The following PDZD2 variants were observed in gnomAD, a reference collection of about 807,000 sequenced individuals.
PDZD2 encodes the protein PDZ domain-containing protein 2.
Under a neutral mutation model 220.7 loss-of-function variants are expected in PDZD2, and 90 were observed. The observed-to-expected ratio is 0.41, with a 90% CI of 0.34 to 0.49. The LOEUF is 0.49. Among genes scored for constraint, PDZD2 ranks in the 20% least tolerant of loss-of-function variants. The pLI is 0.28. For synonymous variants in PDZD2, 1,375 were observed against 1,450.5 expected, an observed-to-expected ratio of 0.95 and a Z score of 1.18; for missense variants, 3,174 against 3,608.5, an observed-to-expected ratio of 0.88 and a Z score of 3.08.
chr5:31,878,555 C>CCT (rs750266997), intron 2 of PDZD2, among the ~76,000 whole-genome samples: 2 of 48,198 alleles, frequency 4.1e-5, no homozygotes, highest in African/African-American at 1.4e-4. Flanking sequence ...ATGACCTCGG[C>CCT]TTTTTTTTTT....
At chr5:31,800,687 G>C (rs1754340700) in intron 2 of PDZD2, among the ~76,000 whole-genome samples, 1 of 152,222 alleles carries the variant, frequency 6.6e-6, no homozygotes, top group African/African-American at 2.4e-5. Flanking sequence ...CACCCCTGGT[G>C]AGTTAACCCT....
intron 17 of PDZD2, among the ~76,000 whole-genome samples, chr5:32,073,608 G>C (rs533601559): frequency 1.0e-4 from 12 of 119,194 alleles, no homozygotes; most frequent in Admixed American, 2.7e-4. Context: ...AGAAAAGGGC[G>C]GGGGGGGTAG....
In PDZD2 at chr5:31,646,026, G is replaced by A. The variant is rs779255012; in HGVS notation, c.-361+6589G>A. Among the ~76,000 whole-genome samples, 1 of 112,874 alleles carries A rather than the reference G, an allele frequency of 8.9e-6. No individual in the cohort carries two copies. Among genetic ancestry groups the A allele is most frequent in the Non-Finnish European group, 2.2e-5 (1 of 45,710 alleles). The allele number at this position is 112,874 out of a possible 152,430, so 74.0% of individuals were successfully genotyped here. On this transcript the variant is annotated intron_variant, in intron 1 of 24. Coordinates refer to ENST00000438447, the MANE Select transcript of PDZD2 (RefSeq NM_178140.4). The surrounding 1 kb of genome is among the most constrained non-coding windows in gnomAD (Gnocchi z 4.7). ...GGCAGCTGGTGGGAGGAGAGAGGGT[G>A]TCAGGGAGCTTTGCACTGCGGGGGG...
chr5:31,655,461 G>C (rs1369165731), intron 1 of PDZD2, among the ~76,000 whole-genome samples: 1 of 152,148 alleles, frequency 6.6e-6, no homozygotes, highest in African/African-American at 2.4e-5. Context: ...ACGAGCCACT[G>C]CGCCCGGCCT....
intron 2 of PDZD2, among the ~76,000 whole-genome samples, chr5:31,910,217 A>ATTTTTTTTTT (rs70957978): frequency 2.8e-5 from 3 of 106,842 alleles, no homozygotes; most frequent in African/African-American, 1.1e-4. Flanking sequence ...GAGTTCCTGC[A>ATTTTTTTTTT]TTTTTTTTTT....
At chr5:32,046,910 G>T (rs1336255515) in intron 7 of PDZD2, among the ~76,000 whole-genome samples, 1 of 152,098 alleles carries the variant, frequency 6.6e-6, no homozygotes, top group Non-Finnish European at 1.5e-5. Context: ...GGGCGTGGTG[G>T]CGTGCACCTG....
At chr5:31,816,287 C>CAAAAAAAAAAAAAAAAAAAAAAAAAA (rs34233316) in intron 2 of PDZD2, among the ~76,000 whole-genome samples, 9 of 99,098 alleles carry the variant, frequency 9.1e-5, no homozygotes, top group Middle Eastern at 5.7e-3. Flanking sequence ...GACTCCATCT[C>CAAAAAAAAAAAAAAAAAAAAAAAAAA]AAAAAAAAAA....
chr5:32,060,800 T>C (rs1383082721), intron 13 of PDZD2, among the ~76,000 whole-genome samples: 4 of 152,258 alleles, frequency 2.6e-5, no homozygotes, highest in African/African-American at 9.6e-5. Flanking sequence ...TAAATATGCA[T>C]AATGACCTTT....
chr5:31,872,616 T>G (rs1738918670), intron 2 of PDZD2, among the ~76,000 whole-genome samples: 1 of 152,234 alleles, frequency 6.6e-6, no homozygotes, highest in South Asian at 2.1e-4. Context: ...TTTTCTGCCC[T>G]TTACATTGTT....
At chr5:31,874,656 A>C (rs1739143501) in intron 2 of PDZD2, among the ~76,000 whole-genome samples, 1 of 151,540 alleles carries the variant, frequency 6.6e-6, no homozygotes, top group African/African-American at 2.4e-5. Flanking sequence ...AGCTACTTGG[A>C]AGGCTGAGGC....
chr5:31,855,318 C>T (rs67198914), intron 2 of PDZD2: 25,979 of 158,348 alleles, frequency 0.16, 2,496 homozygotes, highest in Middle Eastern at 0.23. Flanking sequence ...TTCTCGTCTC[C>T]CGGATCACTG....
At chr5:32,064,239 T>C (rs1373226374) in intron 14 of PDZD2, among the ~76,000 whole-genome samples, 1 of 145,938 alleles carries the variant, frequency 6.9e-6, no homozygotes, top group Non-Finnish European at 1.5e-5. Context: ...CTCAATTCAC[T>C]TTTTTTTTTT....
chr5:31,821,985 G>A (rs1283269966), intron 2 of PDZD2, among the ~76,000 whole-genome samples: 7 of 152,176 alleles, frequency 4.6e-5, no homozygotes, highest in African/African-American at 1.4e-4. Context: ...GAGAATGATG[G>A]TTTCTAGTTT....
chr5:31,903,303 T>TA (rs1322631864), intron 2 of PDZD2, among the ~76,000 whole-genome samples: 1 of 150,524 alleles, frequency 6.6e-6, no homozygotes, highest in Non-Finnish European at 1.5e-5. Context: ...CAAAAAAAAA[T>TA]AAAATTAAAA....
chr5:31,665,181 G>A (rs72753574), intron 1 of PDZD2: 2,995 of 152,344 alleles, frequency 0.02, 43 homozygotes, highest in South Asian at 0.04. Flanking sequence ...ATCACACATT[G>A]TTCCTTATTT....
At chr5:32,077,813 C>T (rs35738982) in intron 19 of PDZD2, 17,907 of 473,540 alleles carry the variant, frequency 0.038, 455 homozygotes, top group Middle Eastern at 0.065. Context: ...AAAAATTAGC[C>T]GGGCGTGGTG....
chr5:31,830,603 C>G (rs1756522145), intron 2 of PDZD2, among the ~76,000 whole-genome samples: 1 of 152,142 alleles, frequency 6.6e-6, no homozygotes, highest in African/African-American at 2.4e-5. Context: ...ATTCCTCTGT[C>G]ATCACAGCCA....
chr5:32,027,832 A>G (rs1754794451), intron 6 of PDZD2, among the ~76,000 whole-genome samples: 1 of 152,130 alleles, frequency 6.6e-6, no homozygotes, highest in Non-Finnish European at 1.5e-5. Flanking sequence ...CTCTCTGATG[A>G]CCATCTGGTT....
At chr5:31,769,565 T>C (rs1752225045) in intron 1 of PDZD2, among the ~76,000 whole-genome samples, 1 of 152,222 alleles carries the variant, frequency 6.6e-6, no homozygotes, top group South Asian at 2.1e-4. Context: ...AAGAGCCCGG[T>C]TTCCTCCTAA....
Sources: allele counts gnomAD v4.1 joint callset (sites outside exome capture counted in the v4.1 genomes callset), GRCh38; gene constraint gnomAD v4.1.1; non-coding constraint Gnocchi (gnomAD v3.1); transcripts MANE v1.5; gene names NCBI Gene and HGNC (gene_info 2026-07-23, HGNC 2026-07-21).